FYN: variants seen among roughly 807,000 people sequenced by gnomAD.
FYN encodes tyrosine-protein kinase Fyn.
FYN carries 10 observed loss-of-function variants against 70.2 expected under a neutral mutation model. That is an observed-to-expected ratio of 0.14 (90% CI 0.09 to 0.24). FYN has a LOEUF of 0.24. Among genes scored for constraint, FYN ranks in the 10% least tolerant of loss-of-function variants. FYN has a pLI of 1.00. For synonymous variants in FYN, 236 were observed against 248.6 expected (o/e 0.95, Z 0.48); for missense variants, 319 against 673.1 (o/e 0.47, Z 5.82).
chr6:111,730,844 A>T (rs2128470716), intron 3 of FYN, among the ~76,000 whole-genome samples: 1 of 149,090 alleles, frequency 6.7e-6, no homozygotes, highest in East Asian at 2.0e-4. Flanking sequence ...AATCAACCAG[A>T]GAAAAAGAGA....
At position 111,706,037 on chromosome 6, in the gene FYN, G is replaced by A. The variant is rs1800074565; in HGVS notation, c.443+1885C>T. On this transcript the variant is annotated intron_variant, in intron 6 of 13. Transcript: ENST00000354650. ...CAGTCAAAAAGCATGCCCTTAAAAT[G>A]ACTTGGTGTTGCAGATATTTCAATA... Among the ~76,000 whole-genome samples, 2 of 152,186 alleles carry A rather than the reference G, an allele frequency of 1.3e-5. 1 individual carries two copies. The highest frequency in any genetic ancestry group is 6.3e-3 in the Middle Eastern group (2 of 316).
intron 3 of FYN, among the ~76,000 whole-genome samples, chr6:111,773,584 GAGGGAA>G (rs1329894175): frequency 3.9e-5 from 3 of 76,076 alleles, no homozygotes; most frequent in African/African-American, 1.1e-4. Flanking sequence ...GGGGGAGGGG[GAGGGAA>G]AGGGAAAGGG....
intron 3 of FYN, among the ~76,000 whole-genome samples, chr6:111,736,379 A>G (rs1304309533): frequency 6.6e-6 from 1 of 152,234 alleles, no homozygotes; most frequent in African/African-American, 2.4e-5. Flanking sequence ...ATACAGGCTT[A>G]GAACAGTCAG....
At chr6:111,773,744 T>C (rs752461543) in intron 3 of FYN, among the ~76,000 whole-genome samples, 1 of 152,008 alleles carries the variant, frequency 6.6e-6, no homozygotes, top group Non-Finnish European at 1.5e-5. Flanking sequence ...CTCCCTCTTT[T>C]AGAATCCCTT....
At chr6:111,699,531 G>A (rs766079264) in intron 9 of FYN, 21 of 1,613,392 alleles carry the variant, frequency 1.3e-5, no homozygotes, top group East Asian at 4.5e-5. Flanking sequence ...ACACTTCAGC[G>A]AAACACCCCT....
intron 3 of FYN, among the ~76,000 whole-genome samples, chr6:111,778,781 A>T (rs935284839): frequency 2.0e-5 from 3 of 151,946 alleles, no homozygotes; most frequent in African/African-American, 7.3e-5. Flanking sequence ...GGCGTGAGTC[A>T]CCGCACCCAG....
intron 7 of FYN, 113 bp from the exon 8 acceptor site, chr6:111,703,147 TAC>T: frequency 4.8e-5 from 42 of 880,024 alleles, no homozygotes; most frequent in Non-Finnish European, 5.0e-5. Flanking sequence ...CACACACATG[TAC>T]ACACACACAG....
chr6:111,686,568 T>C lies in FYN; in HGVS notation c.1273+7807A>G, dbSNP rs142850271. 1.7e-4 allele frequency among the ~76,000 whole-genome samples: 26 copies of C among 152,330 alleles called. 2 individuals are homozygous for C. The highest frequency in any genetic ancestry group is 5.8e-4 in the African/African-American group (24 of 41,572). On this transcript the variant is annotated intron_variant, in intron 12 of 13. Coordinates refer to ENST00000354650, the MANE Select transcript of FYN (RefSeq NM_002037.5). ...GTGCTTAAGACAATGGCTTGCATTT[T>C]AAAGGGTTTGCTTTTCATGAAAGGA...
intron 7 of FYN, among the ~76,000 whole-genome samples, chr6:111,703,755 G>A (rs1385584240): frequency 6.6e-6 from 1 of 152,196 alleles, no homozygotes; most frequent in East Asian, 1.9e-4. Flanking sequence ...TGTGTGCCTG[G>A]AGCAGTGTAG....
intron 3 of FYN, among the ~76,000 whole-genome samples, chr6:111,749,994 C>T (rs1802412713): frequency 6.6e-6 from 1 of 152,078 alleles, no homozygotes; most frequent in African/African-American, 2.4e-5. Flanking sequence ...CCTGTTACAT[C>T]CAGTTTAAGT....
rs7751220 is a variant in FYN at position 111,797,856 on chromosome 6, A to C, written c.-81-17221T>G. On this transcript the variant is annotated intron_variant, in intron 2 of 13. Transcript: ENST00000354650. ...TGGCTCACTGCAACCTCCGCCTCCC[A>C]GGTGCAAGTGATTCTCCTGCCTCAG... Among the ~76,000 whole-genome samples the C allele has an allele frequency of 8.5e-3, 1,291 of 151,630 alleles. 9 individuals carry two copies. The highest frequency in any genetic ancestry group is 0.024 in the Admixed American group (363 of 15,252).
intron 1 of FYN, among the ~76,000 whole-genome samples, chr6:111,861,433 C>T (rs1773958721): frequency 6.6e-6 from 1 of 152,122 alleles, no homozygotes; most frequent in East Asian, 1.9e-4. Context: ...GTTGTGGTAG[C>T]GGGGAGGTGG....
At chr6:111,790,010 G>A (rs532801960) in intron 2 of FYN, among the ~76,000 whole-genome samples, 15 of 152,176 alleles carry the variant, frequency 9.9e-5, no homozygotes, top group Non-Finnish European at 2.2e-4. Flanking sequence ...TACAATATCA[G>A]AATCCCAGAA....
At chr6:111,740,790 C>T (rs1285035392) in intron 3 of FYN, among the ~76,000 whole-genome samples, 1 of 152,148 alleles carries the variant, frequency 6.6e-6, no homozygotes, top group East Asian at 1.9e-4. Flanking sequence ...AAATGCTCTT[C>T]CCCAAAATAC....
At chr6:111,740,101 C>T (rs1444912827) in intron 3 of FYN, among the ~76,000 whole-genome samples, 1 of 152,074 alleles carries the variant, frequency 6.6e-6, no homozygotes, top group Non-Finnish European at 1.5e-5. Context: ...GAGTATCTCA[C>T]TTTGGCCCCT....
At chr6:111,770,479 G>A (rs1183604639) in intron 3 of FYN, among the ~76,000 whole-genome samples, 1 of 152,178 alleles carries the variant, frequency 6.6e-6, no homozygotes, top group Non-Finnish European at 1.5e-5. Flanking sequence ...GGGTGACAAG[G>A]TGACAGGTCA....
chr6:111,765,005 T>C (rs1803172932), intron 3 of FYN, among the ~76,000 whole-genome samples: 1 of 150,874 alleles, frequency 6.6e-6, no homozygotes, highest in South Asian at 2.1e-4. Flanking sequence ...AGCGTCTTTG[T>C]GGGCTGGGAT....
intron 2 of FYN, among the ~76,000 whole-genome samples, chr6:111,840,480 C>T (rs531592427): frequency 9.2e-5 from 14 of 152,168 alleles, no homozygotes; most frequent in Non-Finnish European, 1.8e-4. Flanking sequence ...CTGAAGGTAT[C>T]GTGGCCCTGC....
intron 2 of FYN, among the ~76,000 whole-genome samples, chr6:111,812,437 C>G (rs1455768952): frequency 1.3e-5 from 2 of 152,082 alleles, no homozygotes; most frequent in East Asian, 1.9e-4. Context: ...AACCCATGTT[C>G]TTGTCTGTAC....
Sources: allele counts gnomAD v4.1 joint callset (sites outside exome capture counted in the v4.1 genomes callset), GRCh38; gene constraint gnomAD v4.1.1; transcripts MANE v1.5; gene names NCBI Gene and HGNC (gene_info 2026-07-23, HGNC 2026-07-21).